Variants in PCDH15 observed in about 807,000 individuals in gnomAD.
The protein encoded by PCDH15 is protocadherin-15.
Under a neutral mutation model 178.5 loss-of-function variants are expected in PCDH15, and 129 were observed. That is an observed-to-expected ratio of 0.72 (90% CI 0.63 to 0.84). PCDH15 has a LOEUF of 0.84. PCDH15 is among the 40% of genes least tolerant of loss of function. The probability of loss-of-function intolerance (pLI) is 0.00; values close to 1 mark genes in which losing one functional copy is unlikely to be tolerated. For missense variants in PCDH15, 2,230 were observed against 2,099.9 expected, an observed-to-expected ratio of 1.06 and a Z score of -1.21; for synonymous variants, 800 against 732.0, an observed-to-expected ratio of 1.09 and a Z score of -1.50.
chr10:54,631,787 G>A (rs773231587), intron 2 of PCDH15, among the ~76,000 whole-genome samples: 39 of 152,060 alleles, frequency 2.6e-4, no homozygotes, highest in Non-Finnish European at 4.9e-4. Flanking sequence ...TGGGAAGCGA[G>A]GCACCTTTTT....
At position 54,800,957 on chromosome 10, in the gene PCDH15, A is replaced by T. The variant is rs917704204; in HGVS notation, c.-61T>A. Reference sequence around the variant, plus strand: ...TTAAAGTTTCATCTTTAGTCCATGTAAGATTATGCAGCAAGTTTTCTTGCC... The same window carrying T: ...TTAAAGTTTCATCTTTAGTCCATGTTAGATTATGCAGCAAGTTTTCTTGCC... On this transcript the variant is annotated 5_prime_UTR_variant, in exon 1 of 38. Coordinates refer to ENST00000644397, the MANE Select transcript of PCDH15 (RefSeq NM_001384140.1). 1.3e-5 allele frequency: 2 copies of T among 152,168 alleles called. No homozygotes were observed. The highest frequency in any genetic ancestry group is 2.9e-5 in the Non-Finnish European group (2 of 68,042). The allele number at this position is 152,168 out of a possible 1,614,324, so 9.4% of individuals were successfully genotyped here. A position where few individuals can be genotyped will look rare whatever the true frequency, so the allele number is the denominator to read the frequency against.
chr10:54,414,781 A>T (rs750090077), intron 3 of PCDH15, among the ~76,000 whole-genome samples: 2 of 152,136 alleles, frequency 1.3e-5, no homozygotes, highest in African/African-American at 2.4e-5. Flanking sequence ...AAGCAACAGC[A>T]ATAGTAAGTA....
At chr10:53,808,348 A>T in intron 37 of PCDH15, 1 of 645,570 alleles carries the variant, frequency 1.5e-6, no homozygotes, top group Non-Finnish European at 1.9e-6. Flanking sequence ...ATATATATAT[A>T]TATATGCCAT....
chr10:54,591,902 T>A (rs983603195), intron 2 of PCDH15, among the ~76,000 whole-genome samples: 5 of 152,142 alleles, frequency 3.3e-5, no homozygotes, highest in Non-Finnish European at 7.3e-5. Flanking sequence ...CAGTCCCAAC[T>A]ACGCTCAACA....
intron 1 of PCDH15, among the ~76,000 whole-genome samples, chr10:55,252,450 TTA>T (rs1440317496): frequency 6.6e-6 from 1 of 152,126 alleles, no homozygotes; most frequent in African/African-American, 2.4e-5. Context: ...TAATTATTAT[TTA>T]TGTTAATTTC....
At chr10:54,465,723 G>T (rs2077474294) in intron 3 of PCDH15, among the ~76,000 whole-genome samples, 1 of 151,892 alleles carries the variant, frequency 6.6e-6, no homozygotes, top group Non-Finnish European at 1.5e-5. Context: ...GTATCTTTTT[G>T]ATATACTGAT....
At chr10:53,843,476 T>C (rs532199628) in intron 28 of PCDH15, among the ~76,000 whole-genome samples, 1 of 152,138 alleles carries the variant, frequency 6.6e-6, no homozygotes, top group Admixed American at 6.5e-5. Flanking sequence ...AATATTTGTA[T>C]CATACACACA....
At chr10:55,440,548 T>A (rs189635463) in intron 2 of PCDH15, among the ~76,000 whole-genome samples, 1 of 152,156 alleles carries the variant, frequency 6.6e-6, no homozygotes, top group Non-Finnish European at 1.5e-5. Flanking sequence ...TGCTGCTTCT[T>A]TGAAAAATAT....
intron 8 of PCDH15, among the ~76,000 whole-genome samples, chr10:54,276,670 CAATTA>C (rs66656968): frequency 0.48 from 72,911 of 150,610 alleles, 18,645 homozygotes; most frequent in Middle Eastern, 0.59. Flanking sequence ...TTTTAAAATT[CAATTA>C]AAGATTAGAA....
At chr10:54,956,271 C>T (rs1162974597) in intron 2 of PCDH15, among the ~76,000 whole-genome samples, 1 of 151,458 alleles carries the variant, frequency 6.6e-6, no homozygotes, top group Non-Finnish European at 1.5e-5. Context: ...CAGGACTTGT[C>T]TATTTCAAAT....
At chr10:55,334,128 A>AT (rs1172986324) in intron 2 of PCDH15, among the ~76,000 whole-genome samples, 1 of 149,916 alleles carries the variant, frequency 6.7e-6, no homozygotes, top group African/African-American at 2.5e-5. Flanking sequence ...CAGTGTGCAC[A>AT]TATGTAGCAG....
At chr10:55,140,871 T>C (rs1838334738) in intron 2 of PCDH15, among the ~76,000 whole-genome samples, 1 of 151,996 alleles carries the variant, frequency 6.6e-6, no homozygotes, top group Non-Finnish European at 1.5e-5. Flanking sequence ...CCTATTGACA[T>C]GTGCATAGTT....
chr10:54,358,824 T>G (rs575733317), intron 5 of PCDH15, among the ~76,000 whole-genome samples: 5,394 of 151,858 alleles, frequency 0.036, 312 homozygotes, highest in African/African-American at 0.12. Flanking sequence ...TGGAATACTA[T>G]GCAGCCATAA....
chr10:54,916,958 T>C (rs1047297441), intron 2 of PCDH15, among the ~76,000 whole-genome samples: 1 of 152,124 alleles, frequency 6.6e-6, no homozygotes, highest in Non-Finnish European at 1.5e-5. Flanking sequence ...AAGATGACCA[T>C]GTATGCAGGA....
intron 8 of PCDH15, among the ~76,000 whole-genome samples, chr10:54,274,208 A>G (rs182507114): frequency 6.6e-6 from 1 of 152,110 alleles, no homozygotes; most frequent in East Asian, 1.9e-4. Flanking sequence ...TACCGGGGTG[A>G]TGAAATAATC....
At chr10:54,773,029 T>G (rs1247482471) in intron 1 of PCDH15, among the ~76,000 whole-genome samples, 1 of 151,766 alleles carries the variant, frequency 6.6e-6, no homozygotes, top group Non-Finnish European at 1.5e-5. Flanking sequence ...AAAGCAAGCA[T>G]TTAAAGTGGG....
chr10:54,330,272 T>C (rs1939198956), intron 6 of PCDH15, among the ~76,000 whole-genome samples: 1 of 151,800 alleles, frequency 6.6e-6, no homozygotes, highest in African/African-American at 2.4e-5. Flanking sequence ...AGAGTGTAGA[T>C]TCACAAACCT....
chr10:55,281,001 T>C (rs1295212747), intron 1 of PCDH15, among the ~76,000 whole-genome samples: 1 of 152,226 alleles, frequency 6.6e-6, no homozygotes, highest in African/African-American at 2.4e-5. Flanking sequence ...AGCCAGATGT[T>C]ATGTAAGATA....
chr10:54,890,223 G>T (rs1954435667), intron 3 of PCDH15, among the ~76,000 whole-genome samples: 1 of 151,878 alleles, frequency 6.6e-6, no homozygotes, highest in Middle Eastern at 3.2e-3. Flanking sequence ...CATGAGCGTG[G>T]ATAAAGATGT....
Sources: allele counts gnomAD v4.1 joint callset (sites outside exome capture counted in the v4.1 genomes callset), GRCh38; gene constraint gnomAD v4.1.1; transcripts MANE v1.5; gene names NCBI Gene and HGNC (gene_info 2026-07-23, HGNC 2026-07-21).